STIL: variants seen among roughly 807,000 people sequenced by gnomAD.
STIL encodes the protein STIL centriolar assembly protein, also known as SCL-interrupting locus protein.
Under a neutral mutation model 110.1 loss-of-function variants are expected in STIL, and 55 were observed. The ratio of observed to expected loss-of-function variants is 0.50; its 90% CI spans 0.40 to 0.63. The LOEUF (loss-of-function observed/expected upper bound fraction) is 0.63. Among genes scored for constraint, STIL ranks in the 20% least tolerant of loss-of-function variants. The pLI is 0.00. For synonymous variants in STIL, 481 were observed against 530.0 expected, an observed-to-expected ratio of 0.91 and a Z score of 1.27; for missense variants, 1,358 against 1,530.0, an observed-to-expected ratio of 0.89 and a Z score of 1.87.
Position 47,260,687 on chromosome 1 carries a change from C to G in STIL, c.2830-148G>C, listed in dbSNP as rs1057314040. ...CAGGAGTTTAAGACCCTGGGCAACA[C>G]AGCGAGATCCTGTCTCTACAAAAAA... is the stretch of plus-strand genomic sequence containing the variant. On this transcript the variant is annotated intron_variant, in intron 15 of 16. Transcript: ENST00000371877. 4 of 808,406 alleles carry G rather than the reference C, an allele frequency of 4.9e-6. No homozygotes were observed. In the South Asian group the frequency reaches 5.1e-5, roughly 10 times the overall value. 50.1% of individuals were successfully genotyped at this position (808,406 alleles called of 1,614,324 possible).
intron 2 of STIL, among the ~76,000 whole-genome samples, chr1:47,307,662 G>GA (rs2149255242): frequency 6.6e-6 from 1 of 152,166 alleles, no homozygotes; most frequent in East Asian, 1.9e-4. Flanking sequence ...GTGGGCACCT[G>GA]AAAAAAGAAC....
chr1:47,309,241 T>A (rs4147192), intron 2 of STIL, among the ~76,000 whole-genome samples: 88,133 of 151,900 alleles, frequency 0.58, 27,682 homozygotes, highest in African/African-American at 0.83. Flanking sequence ...TAAATTTTTT[T>A]AATTAAAAAC....
chr1:47,254,041 C>T (rs1165886988), intron 16 of STIL, among the ~76,000 whole-genome samples: 1 of 151,716 alleles, frequency 6.6e-6, no homozygotes, highest in African/African-American at 2.4e-5. Context: ...ATTAGCTGGG[C>T]GTGGTGGCGG....
intron 14 of STIL, among the ~76,000 whole-genome samples, chr1:47,268,442 G>C (rs950962683): frequency 1.3e-4 from 19 of 151,342 alleles, no homozygotes; most frequent in Admixed American, 2.6e-4. Context: ...CGAGACTCTT[G>C]TCTCAAAAAA....
rs2821092 is a variant in STIL, at chr1:47,263,362, T to G, written c.2616-246A>C. 0.8 allele frequency among the ~76,000 whole-genome samples: 122,109 copies of G among 152,022 alleles called. 50,054 individuals are homozygous for G. Among genetic ancestry groups the G allele is most frequent in the African/African-American group, 0.86 (35,445 of 41,438 alleles). ...GTTCAAGATCAGACTGGGGAATATA[T>G]CGAGACCCCATCTCCACAAAAAATT... is the stretch of plus-strand genomic sequence containing the variant. On this transcript the variant is annotated intron_variant, in intron 14 of 16. Transcript: ENST00000371877.
At chr1:47,259,468 T>G (rs1644423061) in intron 16 of STIL, among the ~76,000 whole-genome samples, 1 of 151,534 alleles carries the variant, frequency 6.6e-6, no homozygotes, top group Admixed American at 6.6e-5. Flanking sequence ...TTTTTGTATT[T>G]TTAGTAGAGA....
At chr1:47,271,976 C>T (rs957279757) in intron 13 of STIL, 100 bp downstream of exon 13, 1 of 1,315,756 alleles carries the variant, frequency 7.6e-7, no homozygotes, top group African/African-American at 1.5e-5. Flanking sequence ...TGGTTTTGGT[C>T]CTACTGCACC....
intron 10 of STIL, among the ~76,000 whole-genome samples, chr1:47,286,190 A>G (rs1317940160): frequency 2.6e-5 from 4 of 151,896 alleles, no homozygotes; most frequent in Non-Finnish European, 5.9e-5. Context: ...TGCATTTTTT[A>G]TTGTATAATG....
At chr1:47,289,147 T>TA (rs1409475932) in intron 9 of STIL, among the ~76,000 whole-genome samples, 1 of 150,388 alleles carries the variant, frequency 6.6e-6, no homozygotes, top group Non-Finnish European at 1.5e-5. Context: ...TATAAAATGA[T>TA]ATATGAACAA....
At chr1:47,252,429 T>C (rs1299806268) in intron 16 of STIL, among the ~76,000 whole-genome samples, 10 of 152,008 alleles carry the variant, frequency 6.6e-5, no homozygotes, top group Non-Finnish European at 1.0e-4. Context: ...ATACAAATAA[T>C]AGCCTAGAAG....
chr1:47,312,425 C>A (rs886836728), intron 1 of STIL, among the ~76,000 whole-genome samples: 2 of 151,982 alleles, frequency 1.3e-5, no homozygotes, highest in Non-Finnish European at 2.9e-5. Flanking sequence ...TGCCCTCCAG[C>A]CTGGGCAACA....
chr1:47,265,250 A>AAAAC (rs1553170563), intron 14 of STIL, among the ~76,000 whole-genome samples: 1 of 148,590 alleles, frequency 6.7e-6, no homozygotes, highest in African/African-American at 2.4e-5. Context: ...AAAAAAAAAA[A>AAAAC]AAAAAAAAAA....
intron 8 of STIL, among the ~76,000 whole-genome samples, chr1:47,291,725 C>T (rs929168298): frequency 1.3e-5 from 2 of 152,060 alleles, no homozygotes; most frequent in East Asian, 1.9e-4. Flanking sequence ...TCTACCACAC[C>T]GGGCTAATTT....
chr1:47,275,745 C>A (rs903951314), intron 12 of STIL, among the ~76,000 whole-genome samples: 1 of 152,002 alleles, frequency 6.6e-6, no homozygotes, highest in Admixed American at 6.6e-5. Context: ...CTGCTTCAGT[C>A]TCCCAAGGAG....
intron 12 of STIL, 83 bp from the exon 13 acceptor site, chr1:47,272,324 G>C: frequency 2.8e-6 from 4 of 1,439,326 alleles, no homozygotes; most frequent in Non-Finnish European, 3.9e-6. Context: ...ATTACAAAGC[G>C]CCCTAATTAT....
intron 12 of STIL, among the ~76,000 whole-genome samples, chr1:47,279,321 T>C (rs1212139444): frequency 4.6e-5 from 7 of 151,268 alleles, no homozygotes. Flanking sequence ...ATATGCACAT[T>C]ACACATATAT....
intron 1 of STIL, among the ~76,000 whole-genome samples, chr1:47,313,315 C>T (rs1441432727): frequency 1.3e-5 from 2 of 148,562 alleles, no homozygotes; most frequent in Non-Finnish European, 3.0e-5. Context: ...AAGAGTGAAA[C>T]TGCGTCTCAA....
At chr1:47,292,148 A>C (rs985077016) in intron 8 of STIL, among the ~76,000 whole-genome samples, 1 of 151,736 alleles carries the variant, frequency 6.6e-6, no homozygotes, top group African/African-American at 2.4e-5. Flanking sequence ...GGGATTACAG[A>C]CATAAGACAC....
chr1:47,290,455 C>T (rs145736721), intron 8 of STIL, among the ~76,000 whole-genome samples: 2,151 of 152,280 alleles, frequency 0.014, 30 homozygotes, highest in Non-Finnish European at 0.024. Context: ...CCTGTAATCC[C>T]AGCACTTCGG....
Sources: gnomAD v4.1 joint callset for allele counts (sites outside exome capture counted in the v4.1 genomes callset) on GRCh38, gnomAD v4.1.1 for gene constraint, MANE v1.5 for transcripts, NCBI Gene and HGNC (gene_info 2026-07-23, HGNC 2026-07-21) for gene names.